The following ESR1 variants were observed in gnomAD, a reference collection of about 807,000 sequenced individuals.
ESR1 encodes the protein estrogen receptor 1, also known as estrogen receptor.
A neutral mutation model predicts 52.7 loss-of-function variants in ESR1; 12 were observed. That is an observed-to-expected ratio of 0.23 (90% CI 0.15 to 0.37). The LOEUF (loss-of-function observed/expected upper bound fraction) is 0.37, where lower values mean the gene tolerates loss of function less well. Ranked by LOEUF, ESR1 falls within the 10% of genes least tolerant of loss-of-function variation. ESR1 has a pLI of 1.00. For synonymous variants in ESR1, 305 were observed against 316.8 expected, an observed-to-expected ratio of 0.96 and a Z score of 0.39; for missense variants, 584 against 779.7, an observed-to-expected ratio of 0.75 and a Z score of 2.99.
At chr6:152,014,214 G>C (rs1394823087) in intron 5 of ESR1, among the ~76,000 whole-genome samples, 1 of 152,100 alleles carries the variant, frequency 6.6e-6, no homozygotes, top group Non-Finnish European at 1.5e-5. Context: ...CCCAGTCTCA[G>C]GTAGGTCTTT....
chr6:152,102,178 G>A lies in ESR1; in HGVS notation c.*3212G>A, dbSNP rs1018479772. The A allele has an allele frequency of 4.8e-6, 1 of 209,150 alleles. No individual in the cohort carries two copies. Among genetic ancestry groups the A allele is most frequent in the Non-Finnish European group, 9.8e-6 (1 of 102,452 alleles). 13.0% of individuals were successfully genotyped at this position (209,150 alleles called of 1,614,324 possible). ...AAGCCATAGCCCATGCCTTTTGAGG[G>A]CTGAACAAATAAGGGACTTACTGAT... On this transcript the variant is annotated 3_prime_UTR_variant, in exon 8 of 8. Transcript: ENST00000206249.
At chr6:151,829,116 T>C (rs1466817431) in intron 1 of ESR1, among the ~76,000 whole-genome samples, 2 of 152,254 alleles carry the variant, frequency 1.3e-5, no homozygotes, top group Non-Finnish European at 2.9e-5. Context: ...GAACCTCTCT[T>C]AATTTTACAT....
chr6:151,932,426 T>C (rs1324654431), intron 3 of ESR1, among the ~76,000 whole-genome samples: 4 of 128,892 alleles, frequency 3.1e-5, no homozygotes, highest in African/African-American at 1.2e-4. Flanking sequence ...TGATGGTAGT[T>C]TCTTTTGCTG....
At chr6:151,957,098 C>T (rs1435862402) in intron 4 of ESR1, among the ~76,000 whole-genome samples, 2 of 151,668 alleles carry the variant, frequency 1.3e-5, no homozygotes, top group Admixed American at 6.6e-5. Context: ...AGGATGGTCT[C>T]GATCTCCTGA....
intron 3 of ESR1, among the ~76,000 whole-genome samples, chr6:151,924,223 A>G (rs1584255927): frequency 6.6e-6 from 1 of 151,980 alleles, no homozygotes; most frequent in South Asian, 2.1e-4. Flanking sequence ...TTGTATTTTT[A>G]GTAGAGATGG....
At chr6:151,757,281 C>T (rs1303270027) in intron 2 of ESR1, among the ~76,000 whole-genome samples, 3 of 152,110 alleles carry the variant, frequency 2.0e-5, no homozygotes, top group Middle Eastern at 3.4e-3. Context: ...CAAGGCTGTA[C>T]TACTTTAACT....
chr6:151,667,400 G>A (rs1327110819), intron 1 of ESR1, among the ~76,000 whole-genome samples: 1 of 152,170 alleles, frequency 6.6e-6, no homozygotes, highest in Admixed American at 6.5e-5. Context: ...AATATTTGTT[G>A]AAAGCCTAAA....
chr6:152,101,324 T>C lies in ESR1; in HGVS notation c.*2358T>C, dbSNP rs1269833731. 41 of 232,586 alleles carry C rather than the reference T, an allele frequency of 1.8e-4. No homozygotes were observed. In the East Asian group the frequency reaches 2.5e-3, roughly 14 times the overall value. 14.4% of individuals were successfully genotyped at this position (232,586 alleles called of 1,614,324 possible). A position where few individuals can be genotyped will look rare whatever the true frequency, so the allele number is the denominator to read the frequency against. On this transcript the variant is annotated 3_prime_UTR_variant, in exon 8 of 8. Coordinates refer to ENST00000206249, the MANE Select transcript of ESR1 (RefSeq NM_000125.4). ...TTTTGGACAGTAGCTAATGGGTCAG[T>C]GGGTTCTTTTTAATGTTTATACTTA...
intron 1 of ESR1, among the ~76,000 whole-genome samples, chr6:151,809,976 T>A (rs1297167175): frequency 6.6e-6 from 1 of 152,106 alleles, no homozygotes; most frequent in African/African-American, 2.4e-5. Context: ...GTGAATTCCA[T>A]AACCTTATGA....
chr6:151,963,986 G>A (rs1370220184), intron 4 of ESR1, among the ~76,000 whole-genome samples: 1 of 152,084 alleles, frequency 6.6e-6, no homozygotes, highest in Non-Finnish European at 1.5e-5. Context: ...TCTTACTTGT[G>A]CGGGTTTATT....
intron 2 of ESR1, among the ~76,000 whole-genome samples, chr6:151,737,322 C>G (rs924428480): frequency 6.6e-6 from 1 of 152,168 alleles, no homozygotes; most frequent in Non-Finnish European, 1.5e-5. Flanking sequence ...ACATTTGAAG[C>G]CTCTTTATTC....
chr6:151,740,212 G>C (rs943315234), intron 2 of ESR1, among the ~76,000 whole-genome samples: 1 of 151,468 alleles, frequency 6.6e-6, no homozygotes, highest in Non-Finnish European at 1.5e-5. Flanking sequence ...TATGCTTCCT[G>C]GGTTCAAGTG....
intron 3 of ESR1, among the ~76,000 whole-genome samples, chr6:151,887,714 C>T (rs987480656): frequency 2.0e-5 from 3 of 152,128 alleles, no homozygotes; most frequent in African/African-American, 7.2e-5. Flanking sequence ...GCCTCTGTGA[C>T]TGTCAGTTCA....
chr6:152,047,498 G>A (rs951898923), intron 5 of ESR1, among the ~76,000 whole-genome samples: 1 of 152,158 alleles, frequency 6.6e-6, no homozygotes, highest in African/African-American at 2.4e-5. Context: ...CCATGATGGA[G>A]CCTAAATATT....
intron 1 of ESR1, among the ~76,000 whole-genome samples, chr6:151,831,093 A>C (rs1004656818): frequency 2.6e-5 from 4 of 152,096 alleles, no homozygotes; most frequent in African/African-American, 9.7e-5. Flanking sequence ...TTTCCCCTCA[A>C]AGAAGTATTG....
intron 2 of ESR1, among the ~76,000 whole-genome samples, chr6:151,754,270 T>C (rs532012647): frequency 4.0e-5 from 6 of 151,708 alleles, no homozygotes; most frequent in Admixed American, 2.6e-4. Context: ...AGCTAAGAAG[T>C]GTCTATTATT....
At position 151,986,007 on chromosome 6, in the gene ESR1, T is replaced by G. The variant is rs191506220; in HGVS notation, c.1097-25649T>G. On this transcript the variant is annotated intron_variant, in intron 4 of 7. Coordinates refer to ENST00000206249, the MANE Select transcript of ESR1 (RefSeq NM_000125.4). ...TTTTTAAGTGGATTATATGCCTGCT[T>G]CAGGCATTAGACATAATAAGTTAAT... is the stretch of plus-strand genomic sequence containing the variant. Among the ~76,000 whole-genome samples the G allele has an allele frequency of 5.1e-3, 774 of 152,256 alleles. 11 individuals are homozygous for G. Among genetic ancestry groups the G allele is most frequent in the African/African-American group, 0.017 (719 of 41,518 alleles).
At chr6:151,746,386 G>A (rs79461467) in intron 2 of ESR1, among the ~76,000 whole-genome samples, 2,266 of 152,278 alleles carry the variant, frequency 0.015, 50 homozygotes, top group African/African-American at 0.042. Flanking sequence ...AATTGTCCCT[G>A]CAACAATGAT....
chr6:151,673,664 C>G (rs1221265453), intron 1 of ESR1, among the ~76,000 whole-genome samples: 1 of 152,124 alleles, frequency 6.6e-6, no homozygotes, highest in African/African-American at 2.4e-5. Flanking sequence ...GGGAGAATCA[C>G]TTAAGGCCAG....
Sources: allele counts gnomAD v4.1 joint callset (sites outside exome capture counted in the v4.1 genomes callset), GRCh38; gene constraint gnomAD v4.1.1; transcripts MANE v1.5; gene names NCBI Gene and HGNC (gene_info 2026-07-23, HGNC 2026-07-21).